The following SMC5 variants were observed in gnomAD, a reference collection of about 807,000 sequenced individuals.
The protein encoded by SMC5 is structural maintenance of chromosomes protein 5.
Under a neutral mutation model 148.3 loss-of-function variants are expected in SMC5, and 88 were observed. That is an observed-to-expected ratio of 0.59 (90% CI 0.50 to 0.71). The LOEUF (loss-of-function observed/expected upper bound fraction) is 0.71. SMC5 is among the 30% of genes least tolerant of loss of function. The pLI, the probability that SMC5 is intolerant of heterozygous loss-of-function variation, is 0.00. For synonymous variants in SMC5, 421 were observed against 432.8 expected (o/e 0.97, Z 0.34); for missense variants, 1,142 against 1,298.9 (o/e 0.88, Z 1.86).
chr9:70,317,295 C>T (rs2118592549), intron 13 of SMC5, among the ~76,000 whole-genome samples: 1 of 152,206 alleles, frequency 6.6e-6, no homozygotes, highest in East Asian at 1.9e-4. Flanking sequence ...GGTTATCTAA[C>T]AGTATATCCT....
At chr9:70,287,256 T>G (rs895278018) in intron 8 of SMC5, among the ~76,000 whole-genome samples, 2 of 152,160 alleles carry the variant, frequency 1.3e-5, no homozygotes, top group African/African-American at 4.8e-5. Context: ...TTTATAATAT[T>G]GTTTTTTCTT....
intron 16 of SMC5, 75 bp downstream of exon 16, chr9:70,323,681 G>T: frequency 1.4e-6 from 2 of 1,473,194 alleles, no homozygotes; most frequent in Non-Finnish European, 9.2e-7. Context: ...TCTTTAGAGG[G>T]AGGGAAGGTT....
intron 17 of SMC5, among the ~76,000 whole-genome samples, chr9:70,331,954 A>C (rs1180384065): frequency 6.6e-6 from 1 of 152,084 alleles, no homozygotes; most frequent in Non-Finnish European, 1.5e-5. Flanking sequence ...TCCACACCAC[A>C]ATGCACGTAG....
At chr9:70,333,876 C>A (rs995263462) in intron 17 of SMC5, among the ~76,000 whole-genome samples, 1 of 109,904 alleles carries the variant, frequency 9.1e-6, no homozygotes, top group Non-Finnish European at 1.9e-5. Context: ...CTTAAAATGT[C>A]ATTTCTCTTC....
rs572005019 is a variant in SMC5 at position 70,303,139 on chromosome 9, A to T, written c.1465-2108A>T. ...CAACTCAGGAGGCTGAGGTGAGAGG[A>T]TTGCTTGAGCCTGGGAGGTCGAGGC... On this transcript the variant is annotated intron_variant, in intron 10 of 24. Transcript: ENST00000361138. Among the ~76,000 whole-genome samples, 4 of 151,944 alleles carry T rather than the reference A, an allele frequency of 2.6e-5. No homozygotes were observed. The South Asian group carries it at 8.4e-4, about 32-fold the overall frequency.
chr9:70,260,101 C>T (rs1474487653), intron 1 of SMC5, among the ~76,000 whole-genome samples: 1 of 151,930 alleles, frequency 6.6e-6, no homozygotes. Flanking sequence ...CGCGCCACCA[C>T]GCCCGGCTAG....
intron 10 of SMC5, among the ~76,000 whole-genome samples, chr9:70,300,961 T>C (rs1265111795): frequency 2.6e-5 from 4 of 152,166 alleles, no homozygotes; most frequent in African/African-American, 4.8e-5. Context: ...AAAAATTCTA[T>C]TCTCTGTAAC....
chr9:70,331,015 T>C (rs2036205247), intron 17 of SMC5, among the ~76,000 whole-genome samples: 1 of 152,230 alleles, frequency 6.6e-6, no homozygotes, highest in South Asian at 2.1e-4. Flanking sequence ...AAATACTTTA[T>C]ACTTAAAACA....
At chr9:70,260,074 AG>A (rs2034062565) in intron 1 of SMC5, among the ~76,000 whole-genome samples, 1 of 151,852 alleles carries the variant, frequency 6.6e-6, no homozygotes, top group Non-Finnish European at 1.5e-5. Context: ...CCTCCCGAGT[AG>A]CTGGGACTAC....
At chr9:70,275,903 G>A (rs2034579889) in intron 3 of SMC5, among the ~76,000 whole-genome samples, 1 of 151,892 alleles carries the variant, frequency 6.6e-6, no homozygotes, top group African/African-American at 2.4e-5. Flanking sequence ...GACATATTAG[G>A]CTTTCTTAGT....
At chr9:70,315,735 A>T (rs1273327105) in intron 13 of SMC5, among the ~76,000 whole-genome samples, 157 bp downstream of exon 13, 4 of 152,118 alleles carry the variant, frequency 2.6e-5, no homozygotes, top group Admixed American at 2.6e-4. Context: ...TTTCCATATG[A>T]CATGAAACAT....
chr9:70,264,411 C>T lies in SMC5; in HGVS notation c.293C>T (p.Ala98Val). Residue 98 changes from alanine (A) to valine (V), a missense_variant, in exon 2 of 25, where the codon GCT becomes GTT. Ala to Val is a moderately conservative substitution (Grantham distance 64, BLOSUM62 0). Coordinates refer to ENST00000361138, the MANE Select transcript of SMC5 (RefSeq NM_015110.4). ...GTGTGTGCCATTTGCCTTGGTTTAGCTGGAAAACCTGCTTTCATGGGACGA... is the reference window on the plus strand; with the variant it reads ...GTGTGTGCCATTTGCCTTGGTTTAGTTGGAAAACCTGCTTTCATGGGACGA... ...SIVCAICLGLAGKPAFMGRAD... is the reference protein window; with the variant it reads ...SIVCAICLGLVGKPAFMGRAD... 11 of 1,614,014 alleles carry T rather than the reference C, an allele frequency of 6.8e-6. No homozygotes were observed. The highest frequency in any genetic ancestry group is 9.3e-6 in the Non-Finnish European group (11 of 1,179,944).
intron 19 of SMC5, among the ~76,000 whole-genome samples, 178 bp from the exon 20 acceptor site, chr9:70,346,888 T>A (rs976374907): frequency 1.3e-5 from 2 of 152,236 alleles, no homozygotes; most frequent in Non-Finnish European, 2.9e-5. Context: ...TACATTTTGT[T>A]TTCTTTAAAG....
intron 16 of SMC5, 84 bp downstream of exon 16, chr9:70,323,690 T>A: frequency 3.6e-4 from 409 of 1,150,970 alleles, no homozygotes; most frequent in Non-Finnish European, 4.4e-4. Context: ...GGAGGGAAGG[T>A]TTTGATTAAG....
At chr9:70,338,038 G>A (rs893878469) in intron 17 of SMC5, among the ~76,000 whole-genome samples, 3 of 152,048 alleles carry the variant, frequency 2.0e-5, no homozygotes, top group African/African-American at 4.8e-5. Context: ...CCTTGAGAAC[G>A]GGTTCTTACT....
At chr9:70,339,959 G>A (rs1281077313) in intron 17 of SMC5, among the ~76,000 whole-genome samples, 1 of 151,608 alleles carries the variant, frequency 6.6e-6, no homozygotes, top group East Asian at 1.9e-4. Context: ...TTGTTATTTC[G>A]TTTTTGACCA....
intron 17 of SMC5, 135 bp from the exon 18 acceptor site, chr9:70,344,005 ATTAT>A (rs1410408165): frequency 4.0e-6 from 2 of 496,140 alleles, no homozygotes; most frequent in African/African-American, 2.0e-5. Flanking sequence ...AAAAAGAGTC[ATTAT>A]TTAAGAAACA....
intron 17 of SMC5, among the ~76,000 whole-genome samples, chr9:70,330,471 T>C (rs2036190101): frequency 6.6e-6 from 1 of 151,420 alleles, no homozygotes; most frequent in South Asian, 2.1e-4. Context: ...ACCTAGAATA[T>C]AAGGAACTCT....
intron 15 of SMC5, among the ~76,000 whole-genome samples, chr9:70,322,837 A>G (rs79937853): frequency 0.034 from 5,207 of 152,272 alleles, 124 homozygotes; most frequent in Non-Finnish European, 0.054. Flanking sequence ...TCCTATCTCA[A>G]ACAAACAAAA....
Sources: allele counts gnomAD v4.1 joint callset (sites outside exome capture counted in the v4.1 genomes callset), GRCh38; gene constraint gnomAD v4.1.1; transcripts MANE v1.5; gene names NCBI Gene and HGNC (gene_info 2026-07-23, HGNC 2026-07-21).